Variants in RSU1 observed in about 807,000 individuals in gnomAD.
The protein encoded by RSU1 is Ras suppressor protein 1.
A neutral mutation model predicts 31.1 loss-of-function variants in RSU1; 26 were observed. The observed-to-expected ratio is 0.84, with a 90% CI of 0.61 to 1.16. The LOEUF (loss-of-function observed/expected upper bound fraction) is 1.16, where lower values mean the gene tolerates loss of function less well. Among genes scored for constraint, RSU1 ranks in the 50% most tolerant of loss-of-function variants. RSU1 has a pLI of 0.00. For missense variants in RSU1, 320 were observed against 339.1 expected (o/e 0.94, Z 0.44); for synonymous variants, 164 against 136.3 (o/e 1.20, Z -1.41).
intron 2 of RSU1, among the ~76,000 whole-genome samples, chr10:16,801,958 C>T (rs1838164912): frequency 1.3e-5 from 2 of 151,842 alleles, no homozygotes; most frequent in South Asian, 4.1e-4. Context: ...AAAGTAATGG[C>T]AAAACGGCAA....
At chr10:16,813,424 T>C (rs541893011) in intron 2 of RSU1, among the ~76,000 whole-genome samples, 5 of 152,216 alleles carry the variant, frequency 3.3e-5, no homozygotes, top group Non-Finnish European at 7.3e-5. Context: ...CTACTGACTA[T>C]GTTGGAACTG....
intron 8 of RSU1, among the ~76,000 whole-genome samples, chr10:16,649,628 C>A (rs1484416135): frequency 6.6e-6 from 1 of 152,134 alleles, no homozygotes; most frequent in African/African-American, 2.4e-5. Flanking sequence ...CTATTAAGTT[C>A]TTTATAGGCA....
At chr10:16,605,880 T>A (rs1833796236) in intron 8 of RSU1, among the ~76,000 whole-genome samples, 1 of 152,154 alleles carries the variant, frequency 6.6e-6, no homozygotes, top group African/African-American at 2.4e-5. Flanking sequence ...TGGCTCACCG[T>A]AGCCTCCACC....
chr10:16,618,065 A>G (rs1057445174), intron 8 of RSU1, among the ~76,000 whole-genome samples: 1 of 152,198 alleles, frequency 6.6e-6, no homozygotes, highest in Non-Finnish European at 1.5e-5. Context: ...ATGGGAGAAA[A>G]TTTTTGCAAT....
intron 8 of RSU1, among the ~76,000 whole-genome samples, chr10:16,649,655 G>A (rs1434897595): frequency 6.6e-6 from 1 of 151,950 alleles, no homozygotes; most frequent in Admixed American, 6.6e-5. Flanking sequence ...TTTTCTAGGG[G>A]GCACACGGCA....
At chr10:16,788,339 A>G (rs1837838502) in intron 2 of RSU1, among the ~76,000 whole-genome samples, 1 of 152,172 alleles carries the variant, frequency 6.6e-6, no homozygotes, top group South Asian at 2.1e-4. Flanking sequence ...AAATTCATAT[A>G]CGGAAGCCCG....
At chr10:16,815,574 A>C (rs1838511305) in intron 2 of RSU1, among the ~76,000 whole-genome samples, 1 of 152,152 alleles carries the variant, frequency 6.6e-6, no homozygotes, top group Non-Finnish European at 1.5e-5. Flanking sequence ...ACTATTTTTG[A>C]GCATCTACTG....
At chr10:16,795,192 A>G (rs1838003243) in intron 2 of RSU1, among the ~76,000 whole-genome samples, 1 of 151,920 alleles carries the variant, frequency 6.6e-6, no homozygotes. Flanking sequence ...CATCTCTACT[A>G]AAAATACAAA....
chr10:16,711,243 A>G (rs947122324), intron 7 of RSU1, among the ~76,000 whole-genome samples: 5 of 152,122 alleles, frequency 3.3e-5, no homozygotes, highest in African/African-American at 9.7e-5. Context: ...TTTCTGTAGT[A>G]TCAGTTGTAA....
At chr10:16,771,020 G>A (rs1837415256) in intron 3 of RSU1, among the ~76,000 whole-genome samples, 1 of 151,352 alleles carries the variant, frequency 6.6e-6, no homozygotes, top group Non-Finnish European at 1.5e-5. Context: ...GAAAATGCCT[G>A]GGCAGATGTT....
chr10:16,729,047 G>A (rs75801150), intron 7 of RSU1, among the ~76,000 whole-genome samples: 4,820 of 152,250 alleles, frequency 0.032, 120 homozygotes, highest in Middle Eastern at 0.095. Context: ...AGGAAACTAA[G>A]GCACTATGCA....
In RSU1 at chr10:16,593,322, G is replaced by C. The variant is rs568533328; in HGVS notation, c.*72C>G. 3 of 1,604,306 alleles carry C rather than the reference G, an allele frequency of 1.9e-6. No homozygotes were observed. Among genetic ancestry groups the C allele is most frequent in the African/African-American group, 2.7e-5 (2 of 74,626 alleles). ...CACACGCAGCATTGGGTTTATTTGA[G>C]AGACAGGGCAAGAGAGAATGAAGTG... On this transcript the variant is annotated 3_prime_UTR_variant, in exon 9 of 9. Transcript: ENST00000345264.
intron 7 of RSU1, among the ~76,000 whole-genome samples, chr10:16,752,002 C>G (rs1836989613): frequency 1.3e-5 from 2 of 152,080 alleles, no homozygotes; most frequent in Admixed American, 6.6e-5. Flanking sequence ...CCATTCCCAG[C>G]AAGAACATAT....
At chr10:16,778,360 T>C (rs1837581358) in intron 3 of RSU1, among the ~76,000 whole-genome samples, 1 of 152,162 alleles carries the variant, frequency 6.6e-6, no homozygotes, top group Admixed American at 6.5e-5. Flanking sequence ...TGTTCCCCAC[T>C]TTCTCTCCAG....
intron 7 of RSU1, among the ~76,000 whole-genome samples, chr10:16,747,062 C>T (rs1836871378): frequency 6.6e-6 from 1 of 152,182 alleles, no homozygotes. Context: ...CTAAAACACA[C>T]CACACAGCTC....
At chr10:16,613,278 C>T (rs928652620) in intron 8 of RSU1, among the ~76,000 whole-genome samples, 1 of 152,202 alleles carries the variant, frequency 6.6e-6, no homozygotes, top group African/African-American at 2.4e-5. Flanking sequence ...AGTGGAATTT[C>T]CATATGTCTC....
rs201585770 is a variant in RSU1, at chr10:16,695,158, G to T, written c.599-3C>A. 1.8e-3 allele frequency: 1,545 copies of T among 847,762 alleles called. 10 individuals carry two copies. In the Middle Eastern group the frequency reaches 0.026, roughly 15 times the overall value. 52.5% of individuals were successfully genotyped at this position (847,762 alleles called of 1,614,324 possible). On this transcript the variant is annotated splice_region_variant and splice_polypyrimidine_tract_variant and intron_variant, in intron 7 of 8. Coordinates refer to ENST00000345264, the MANE Select transcript of RSU1 (RefSeq NM_012425.4). ...CTGGCCAGTTAAATCCAAGTTTCCT[G>T]GGGGGGGGGAAAAAAAAAGTGAAGG...
intron 8 of RSU1, among the ~76,000 whole-genome samples, chr10:16,610,634 G>A (rs930492518): frequency 2.0e-5 from 3 of 152,178 alleles, no homozygotes; most frequent in Non-Finnish European, 4.4e-5. Flanking sequence ...TCTAGTTGCA[G>A]GAAAATAAGC....
intron 3 of RSU1, among the ~76,000 whole-genome samples, chr10:16,766,547 TCTA>T (rs1167268157): frequency 6.6e-6 from 1 of 152,114 alleles, no homozygotes; most frequent in African/African-American, 2.4e-5. Context: ...CAACTCTGAC[TCTA>T]CTAAAAATAC....
Sources: gnomAD v4.1 joint callset for allele counts (sites outside exome capture counted in the v4.1 genomes callset) on GRCh38, gnomAD v4.1.1 for gene constraint, MANE v1.5 for transcripts, NCBI Gene and HGNC (gene_info 2026-07-23, HGNC 2026-07-21) for gene names.